ETNK2: variants seen among roughly 807,000 people sequenced by gnomAD.
ETNK2 encodes ethanolamine kinase 2, also known as ethanolamine kinase-like protein.
In ETNK2, 33 loss-of-function variants were observed where a neutral mutation model predicts 46.2. The ratio of observed to expected loss-of-function variants is 0.71; its 90% CI spans 0.54 to 0.96. The LOEUF (loss-of-function observed/expected upper bound fraction) is 0.96, where lower values mean the gene tolerates loss of function less well. Among genes scored for constraint, ETNK2 ranks in the 40% least tolerant of loss-of-function variants. The probability of loss-of-function intolerance (pLI) is 0.00; values close to 1 mark genes in which losing one functional copy is unlikely to be tolerated. For synonymous variants in ETNK2, 194 were observed against 209.0 expected (o/e 0.93, Z 0.62); for missense variants, 445 against 509.7 (o/e 0.87, Z 1.22).
rs1176639870 is a variant in ETNK2, at chr1:204,146,751, C to G, written c.532G>C (p.Glu178Gln). The change falls in exon 3 of 8, where the codon GAA (glutamate) becomes CAA (glutamine). Residue 178 changes from glutamate to glutamine, a missense_variant. Transcript: ENST00000367202. ...EPRLFRLIAL[E>Q]MAKIHTIHAN... ...TGGATAGTATGAATCTTTGCCATTTCTAAGGCGATTAACCTACAGCAGGGA... is the reference window on the plus strand; with the variant it reads ...TGGATAGTATGAATCTTTGCCATTTGTAAGGCGATTAACCTACAGCAGGGA... 1 of 1,614,028 alleles carries G rather than the reference C, an allele frequency of 6.2e-7. No homozygotes were observed. Among genetic ancestry groups the G allele is most frequent in the East Asian group, 2.2e-5 (1 of 44,888 alleles).
chr1:204,132,327 T>A, intron 7 of ETNK2, 71 bp from the exon 8 acceptor site: 1 of 1,280,552 alleles, frequency 7.8e-7, no homozygotes. Flanking sequence ...GGTGCTGACA[T>A]CATGAGAAAA....
chr1:204,132,296 AG>A (rs1657106414), intron 7 of ETNK2, 40 bp from the exon 8 acceptor site: 9 of 1,516,894 alleles, frequency 5.9e-6, no homozygotes, highest in African/African-American at 1.4e-5. Flanking sequence ...TGAGGAAGAA[AG>A]CCAGGTGGGC....
In ETNK2 at chr1:204,151,654, C is replaced by G; in HGVS notation, c.199G>C (p.Ala67Pro). Residue 67 changes from alanine to proline, a missense_variant, in exon 1 of 8, where the codon GCC becomes CCC. Transcript: ENST00000367202. This position sits in a 1 kb window ranked among gnomAD's most constrained non-coding sequence, Gnocchi z 8.0. ...CGCAGCTCCTGGATGAGGCGCAGGGCCCCGGGAAGGATGTCGTCCGGGTCC... is the reference window on the plus strand; with the variant it reads ...CGCAGCTCCTGGATGAGGCGCAGGGGCCCGGGAAGGATGTCGTCCGGGTCC... ...SVDPDDILPG[A>P]LRLIQELRPH... 6.5e-7 allele frequency: 1 copy of G among 1,549,254 alleles called. No individual in the cohort carries two copies. The highest frequency in any genetic ancestry group is 8.7e-7 in the Non-Finnish European group (1 of 1,146,350).
intron 3 of ETNK2, chr1:204,142,596 G>A (rs929812491): frequency 6.6e-6 from 1 of 152,418 alleles, no homozygotes; most frequent in African/African-American, 2.4e-5. Flanking sequence ...GAGGGGAGGA[G>A]GCTGGGCTTT....
At chr1:204,147,497 C>T (rs748356835) in intron 2 of ETNK2, 28 of 533,284 alleles carry the variant, frequency 5.3e-5, no homozygotes, top group Admixed American at 1.2e-4. Context: ...GACCCCATCG[C>T]CCGAGGCCCT....
intron 2 of ETNK2, 90 bp from the exon 3 acceptor site, chr1:204,146,854 G>T: frequency 6.5e-7 from 1 of 1,537,192 alleles, no homozygotes; most frequent in Non-Finnish European, 8.9e-7. Context: ...GACCCTCCAG[G>T]CCCACCAGGG....
intron 4 of ETNK2, 77 bp downstream of exon 4, chr1:204,141,238 C>A (rs56241054): frequency 2.5e-6 from 4 of 1,586,322 alleles, no homozygotes; most frequent in African/African-American, 1.3e-5. Context: ...AAGTGCCAGC[C>A]GGAAGAACAG....
At chr1:204,137,080 C>T in intron 6 of ETNK2, 24 bp downstream of exon 6, 1 of 1,611,894 alleles carries the variant, frequency 6.2e-7, no homozygotes, top group Non-Finnish European at 8.5e-7. Context: ...TTTCCTGCCC[C>T]AGCCCTAGAA....
Position 204,134,590 on chromosome 1 carries a change from TGGAAACA to T in ETNK2, c.1015-9_1015-3del. ...GAGAGCCCAGAAGAAGTGAGACGCC[TGGAAACA>T]GACCAGAGAGGGTCAGCCTGGCAAT... is the stretch of plus-strand genomic sequence containing the variant. On this transcript the variant is annotated splice_polypyrimidine_tract_variant and splice_region_variant and intron_variant, in intron 6 of 7. Coordinates refer to ENST00000367202, the MANE Select transcript of ETNK2 (RefSeq NM_018208.4). The T allele has an allele frequency of 6.2e-7, 1 of 1,614,016 alleles. No individual in the cohort carries two copies.
At chr1:204,137,581 A>G (rs1415472129) in intron 5 of ETNK2, among the ~76,000 whole-genome samples, 2 of 152,182 alleles carry the variant, frequency 1.3e-5, no homozygotes, top group African/African-American at 2.4e-5. Flanking sequence ...CACAAAAATG[A>G]TGGTGCACAG....
At chr1:204,136,403 G>GTATATATATATATATATGTATATA (rs1553301301) in intron 6 of ETNK2, among the ~76,000 whole-genome samples, 6 of 139,770 alleles carry the variant, frequency 4.3e-5, no homozygotes, top group African/African-American at 1.6e-4. Flanking sequence ...CTCAAAAAAA[G>GTATATATATATATATATGTATATA]TATATATATA....
At position 204,141,352 on chromosome 1, in the gene ETNK2, G is replaced by A. The variant is rs1030523813; in HGVS notation, c.747C>T (p.Asp249=). The part of the protein sequence containing the change: ...LESPVVFCHN[D]LLCKNIIYDS... ...CATAGATGATATTCTTGCAGAGCAG[G>A]TCATTGTGACAAAACACCACAGGGG... The change falls in exon 4 of 8, where the codon GAC becomes GAT. Residue 249 remains aspartate (D), a synonymous_variant. Coordinates refer to ENST00000367202, the MANE Select transcript of ETNK2 (RefSeq NM_018208.4). 1.9e-6 allele frequency: 3 copies of A among 1,613,890 alleles called. No individual in the cohort carries two copies. Among genetic ancestry groups the A allele is most frequent in the African/African-American group, 2.7e-5 (2 of 74,916 alleles).
chr1:204,134,706 G>A, intron 6 of ETNK2, 118 bp from the exon 7 acceptor site: 3 of 1,604,176 alleles, frequency 1.9e-6, no homozygotes, highest in South Asian at 1.1e-5. Context: ...TGGAAGAGAT[G>A]TGGTGGGGTC....
chr1:204,141,047 A>T, intron 4 of ETNK2: 1 of 509,528 alleles, frequency 2.0e-6, no homozygotes, highest in South Asian at 2.0e-5. Context: ...GCTGGTCTTG[A>T]ATTCCTGGGC....
At position 204,151,463 on chromosome 1, in the gene ETNK2, T is replaced by A; in HGVS notation, c.258+132A>T. ...GAAATCAATCCGTACACAAACCACG[T>A]TCCAAACCTTTCTTGCGCAGCAGCC... On this transcript the variant is annotated intron_variant, in intron 1 of 7. Transcript: ENST00000367202. This position sits in a 1 kb window ranked among gnomAD's most constrained non-coding sequence, Gnocchi z 8.0. 7.6e-7 allele frequency: 1 copy of A among 1,317,824 alleles called. No individual in the cohort carries two copies. 81.6% of individuals were successfully genotyped at this position (1,317,824 alleles called of 1,614,324 possible). A position where few individuals can be genotyped will look rare whatever the true frequency, so the allele number is the denominator to read the frequency against.
At chr1:204,147,171 C>T (rs1011401139) in intron 2 of ETNK2, among the ~76,000 whole-genome samples, 3 of 152,158 alleles carry the variant, frequency 2.0e-5, no homozygotes, top group South Asian at 2.1e-4. Flanking sequence ...TCTCAGGGGA[C>T]GTGAACATAG....
At chr1:204,144,355 A>AAAAAAAAAAAAAAG (rs1657693301) in intron 3 of ETNK2, among the ~76,000 whole-genome samples, 1 of 148,436 alleles carries the variant, frequency 6.7e-6, no homozygotes, top group Non-Finnish European at 1.5e-5. Flanking sequence ...CAAAAAAAAA[A>AAAAAAAAAAAAAAG]AAAAAAAAAA....
chr1:204,147,975 G>A (rs905880041), intron 2 of ETNK2, among the ~76,000 whole-genome samples: 3 of 152,208 alleles, frequency 2.0e-5, no homozygotes, highest in East Asian at 3.9e-4. Context: ...AGGAAGATTC[G>A]GAACAGAGCA....
intron 3 of ETNK2, among the ~76,000 whole-genome samples, chr1:204,144,617 C>T (rs1384684847): frequency 2.0e-5 from 3 of 152,256 alleles, no homozygotes; most frequent in African/African-American, 7.2e-5. Flanking sequence ...CTGACTCAAA[C>T]ATCTTCATGA....
Sources: allele counts gnomAD v4.1 joint callset (sites outside exome capture counted in the v4.1 genomes callset), GRCh38; gene constraint gnomAD v4.1.1; non-coding constraint Gnocchi (gnomAD v3.1); transcripts MANE v1.5; gene names NCBI Gene and HGNC (gene_info 2026-07-23, HGNC 2026-07-21).